Variants in GAB3 observed in about 807,000 individuals in gnomAD.
GAB3 encodes the protein GRB2 associated binding protein 3.
In GAB3, 12 loss-of-function variants were observed where a neutral mutation model predicts 40.4. The observed-to-expected ratio is 0.30, with a 90% CI of 0.19 to 0.48. The LOEUF is 0.48. GAB3 is among the 20% of genes least tolerant of loss of function. GAB3 has a pLI of 0.99. For missense variants in GAB3, 381 were observed against 461.9 expected (o/e 0.82, Z 1.61); for synonymous variants, 154 against 176.7 (o/e 0.87, Z 1.02).
chrX:154,729,836 G>A (rs979263637), intron 1 of GAB3, among the ~76,000 whole-genome samples: 4 of 111,995 alleles, frequency 3.6e-5, no homozygotes, highest in South Asian at 7.5e-4. Flanking sequence ...TTCTCACTGA[G>A]TAACAGTGAA....
At chrX:154,710,226 ACATTGTAGT>A (rs1208304631) in intron 4 of GAB3, among the ~76,000 whole-genome samples, 4 of 112,396 alleles carry the variant, frequency 3.6e-5, no homozygotes, top group Non-Finnish European at 7.5e-5. Flanking sequence ...GGAAAATTCA[ACATTGTAGT>A]CAAATCTTCA....
At chrX:154,732,418 A>G (rs1388362972) in intron 1 of GAB3, among the ~76,000 whole-genome samples, 2 of 111,940 alleles carry the variant, frequency 1.8e-5, no homozygotes, top group Non-Finnish European at 3.8e-5. Flanking sequence ...GGTGCCTAAC[A>G]GGGACTCAGT....
Position 154,716,273 on chromosome X carries a change from A to T in GAB3, c.129T>A (p.Asp43Glu). The T allele has an allele frequency of 8.2e-7, 1 of 1,212,533 alleles. No individual in the cohort carries two copies. The highest frequency in any genetic ancestry group is 2.2e-5 in the Admixed American group (1 of 46,180). The change falls in exon 2 of 10, where the codon GAT becomes GAA. Residue 43 changes from aspartate to glutamate, a missense_variant. This residue lies in a region of GAB3 where 364 missense variants were observed against 421.0 expected (regional missense o/e 0.86). Coordinates refer to ENST00000424127, the MANE Select transcript of GAB3 (RefSeq NM_001081573.3). Reference sequence around the variant, plus strand: ...GCTTGTTCCTGTAGTACTCCAAGACATCGGGGTTGCCGCTCATGCGGCCTC... The same window carrying T: ...GCTTGTTCCTGTAGTACTCCAAGACTTCGGGGTTGCCGCTCATGCGGCCTC... Reference protein sequence around the residue: ...LRRGRMSGNPDVLEYYRNKHS... With the variant: ...LRRGRMSGNPEVLEYYRNKHS...
chrX:154,706,498 T>C (rs1220852604), intron 4 of GAB3, among the ~76,000 whole-genome samples: 2 of 111,321 alleles, frequency 1.8e-5, no homozygotes, highest in African/African-American at 6.5e-5. Context: ...ACAGATTTAA[T>C]GCACTCTCTA....
intron 8 of GAB3, among the ~76,000 whole-genome samples, chrX:154,695,529 G>GA (rs2070643214): frequency 8.9e-6 from 1 of 112,016 alleles, no homozygotes; most frequent in Non-Finnish European, 1.9e-5. Flanking sequence ...TGTTCTGGTG[G>GA]AAGGGACCAT....
chrX:154,696,144 CA>C, intron 7 of GAB3, 125 bp from the exon 8 acceptor site: 1 of 378,280 alleles, frequency 2.6e-6, no homozygotes. Context: ...TCCTTCCGGC[CA>C]AAGCAATTCC....
chrX:154,734,772 A>G (rs1318284449), intron 1 of GAB3, among the ~76,000 whole-genome samples: 1 of 112,179 alleles, frequency 8.9e-6, no homozygotes, highest in Non-Finnish European at 1.9e-5. Context: ...GCCCTTAGCT[A>G]CAGAGACAGC....
rs782600815 is a variant in GAB3, at chrX:154,727,899, G to C, written c.73-11570C>G. 5.4e-5 allele frequency among the ~76,000 whole-genome samples: 6 copies of C among 111,915 alleles called. No homozygotes were observed. The East Asian group carries it at 1.1e-3, about 21-fold the overall frequency. On this transcript the variant is annotated intron_variant, in intron 1 of 9. Transcript: ENST00000424127. ...CTACTTGCACAGTAAAATAAACCTG[G>C]CTGGGTTATAGCAAGTTTCACTTCT...
intron 4 of GAB3, among the ~76,000 whole-genome samples, chrX:154,703,878 C>T (rs1262299085): frequency 5.4e-5 from 6 of 111,463 alleles, no homozygotes; most frequent in Admixed American, 1.9e-4. Context: ...ATCCAGCAAT[C>T]CCACTGCTGG....
chrX:154,731,338 G>A (rs2071287720), intron 1 of GAB3, among the ~76,000 whole-genome samples: 1 of 111,984 alleles, frequency 8.9e-6, no homozygotes, highest in Admixed American at 9.5e-5. Flanking sequence ...AGGTAATCAA[G>A]TCTGGATGGA....
Position 154,676,184 on chromosome X carries a change from G to A in GAB3, c.*1994C>T, listed in dbSNP as rs2070293972. 9.0e-6 allele frequency: 1 copy of A among 111,075 alleles called. No homozygotes were observed. The highest frequency in any genetic ancestry group is 1.9e-5 in the Non-Finnish European group (1 of 52,892). The allele number at this position is 111,075 out of a possible 1,213,427, so 9.2% of individuals were successfully genotyped here. A position where few individuals can be genotyped will look rare whatever the true frequency, so the allele number is the denominator to read the frequency against. On this transcript the variant is annotated 3_prime_UTR_variant, in exon 10 of 10. Transcript: ENST00000424127. ...TTTCTTTTTTCGGTGGGTCAATGGA[G>A]TGACATTTCACTACTGACATAATTT...
chrX:154,730,742 A>T (rs2071279342), intron 1 of GAB3, among the ~76,000 whole-genome samples: 1 of 112,128 alleles, frequency 8.9e-6, no homozygotes, highest in Admixed American at 9.4e-5. Flanking sequence ...GGAGCAGGTT[A>T]CACACTTCTC....
At chrX:154,680,099 C>T in intron 9 of GAB3, 33 bp downstream of exon 9, 1 of 978,006 alleles carries the variant, frequency 1.0e-6, no homozygotes, top group Non-Finnish European at 1.5e-6. Flanking sequence ...GATGGAATCA[C>T]CTGGGAATTC....
At position 154,677,413 on chromosome X, in the gene GAB3, TG is replaced by T. The variant is rs1297296292; in HGVS notation, c.*764del. ...CAACTCTATTCTCTAAGCTGGACTC[TG>T]GGTCTTGGCTTTGTGAGTAATCTTG... On this transcript the variant is annotated 3_prime_UTR_variant, in exon 10 of 10. Coordinates refer to ENST00000424127, the MANE Select transcript of GAB3 (RefSeq NM_001081573.3). The T allele has an allele frequency of 8.9e-6, 1 of 111,984 alleles. No homozygotes were observed. The highest frequency in any genetic ancestry group is 1.9e-5 in the Non-Finnish European group (1 of 53,212). The allele number at this position is 111,984 out of a possible 1,213,427, so 9.2% of individuals were successfully genotyped here.
At chrX:154,716,727 C>T (rs1470036813) in intron 1 of GAB3, among the ~76,000 whole-genome samples, 2 of 112,265 alleles carry the variant, frequency 1.8e-5, no homozygotes, top group Non-Finnish European at 3.8e-5. Flanking sequence ...ACATTAAAAT[C>T]AGATGAAAAT....
chrX:154,736,143 A>G (rs1181686294), intron 1 of GAB3, among the ~76,000 whole-genome samples: 1 of 112,670 alleles, frequency 8.9e-6, no homozygotes, highest in Admixed American at 9.3e-5. Context: ...GGTGCTAGTA[A>G]TACAATATGA....
chrX:154,685,425 C>A lies in GAB3; in HGVS notation c.1531-5177G>T, dbSNP rs782069550. Among the ~76,000 whole-genome samples, 11 of 111,037 alleles carry A rather than the reference C, an allele frequency of 9.9e-5. No homozygotes were observed. The South Asian group carries it at 1.9e-3, about 19-fold the overall frequency. On this transcript the variant is annotated intron_variant, in intron 8 of 9. Coordinates refer to ENST00000424127, the MANE Select transcript of GAB3 (RefSeq NM_001081573.3). Reference sequence around the variant, plus strand: ...TAATAAGAGGTGTTTTTCATGCTATCTTGCCTACCAAAGTGTTCCATCAAA... The same window carrying A: ...TAATAAGAGGTGTTTTTCATGCTATATTGCCTACCAAAGTGTTCCATCAAA...
intron 8 of GAB3, among the ~76,000 whole-genome samples, chrX:154,693,307 A>T (rs1182796421): frequency 8.9e-6 from 1 of 112,293 alleles, no homozygotes; most frequent in Non-Finnish European, 1.9e-5. Flanking sequence ...AAAAGAAAGC[A>T]TCTAACAGTT....
At chrX:154,691,598 T>C (rs2070568900) in intron 8 of GAB3, among the ~76,000 whole-genome samples, 1 of 111,894 alleles carries the variant, frequency 8.9e-6, no homozygotes, top group Admixed American at 9.5e-5. Flanking sequence ...GATAATATTA[T>C]GCAAAACGGT....
Sources: gnomAD v4.1 joint callset for allele counts (sites outside exome capture counted in the v4.1 genomes callset) on GRCh38, gnomAD v4.1.1 for gene constraint, gnomAD v4.1.1 regional missense constraint, MANE v1.5 for transcripts, NCBI Gene and HGNC (gene_info 2026-07-23, HGNC 2026-07-21) for gene names.